Variants in SEC63 observed in about 807,000 individuals in gnomAD.
SEC63 encodes translocation protein SEC63 homolog.
In SEC63, 56 loss-of-function variants were observed where a neutral mutation model predicts 116.2. The observed-to-expected ratio is 0.48, with a 90% CI of 0.39 to 0.60. The LOEUF (loss-of-function observed/expected upper bound fraction) is 0.60, where lower values mean the gene tolerates loss of function less well. Ranked by LOEUF, SEC63 falls within the 20% of genes least tolerant of loss-of-function variation. The pLI is 0.00. For synonymous variants in SEC63, 273 were observed against 294.6 expected (o/e 0.93, Z 0.75); for missense variants, 668 against 900.0 (o/e 0.74, Z 3.30).
chr6:107,880,822 A>G, intron 18 of SEC63: 1 of 219,154 alleles, frequency 4.6e-6, no homozygotes, highest in Non-Finnish European at 9.2e-6. Flanking sequence ...TTCAAAGGCA[A>G]AATATGCATT....
chr6:107,884,273 G>T (rs1554232704), intron 16 of SEC63, among the ~76,000 whole-genome samples: 1 of 146,694 alleles, frequency 6.8e-6, no homozygotes, highest in South Asian at 2.1e-4. Context: ...AAAAAGAGCA[G>T]AGAGAGATAC....
chr6:107,946,810 C>G (rs1770489291), intron 1 of SEC63, among the ~76,000 whole-genome samples: 1 of 152,038 alleles, frequency 6.6e-6, no homozygotes, highest in African/African-American at 2.4e-5. Context: ...TCAAGACCAG[C>G]CTGGCCAACA....
intron 13 of SEC63, among the ~76,000 whole-genome samples, chr6:107,899,244 C>A (rs969005411): frequency 6.6e-6 from 1 of 152,194 alleles, no homozygotes; most frequent in Non-Finnish European, 1.5e-5. Flanking sequence ...TTCTACTCCT[C>A]CTTCACCAAC....
intron 16 of SEC63, among the ~76,000 whole-genome samples, chr6:107,888,949 C>A (rs563200725): frequency 6.6e-6 from 1 of 152,178 alleles, no homozygotes; most frequent in Non-Finnish European, 1.5e-5. Flanking sequence ...CCAACTTGAT[C>A]GTGGTGGATA....
At chr6:107,937,283 C>T (rs1204575000) in intron 1 of SEC63, among the ~76,000 whole-genome samples, 8 of 152,062 alleles carry the variant, frequency 5.3e-5, no homozygotes, top group Admixed American at 1.3e-4. Context: ...CCACCACACC[C>T]GGCTAGCTAA....
At chr6:107,942,529 A>C (rs1256797151) in intron 1 of SEC63, among the ~76,000 whole-genome samples, 1 of 151,892 alleles carries the variant, frequency 6.6e-6, no homozygotes, top group African/African-American at 2.4e-5. Context: ...GATATAGAAA[A>C]AAAACAAAAC....
intron 13 of SEC63, among the ~76,000 whole-genome samples, chr6:107,901,042 C>T (rs1407549907): frequency 6.6e-6 from 1 of 152,110 alleles, no homozygotes; most frequent in Non-Finnish European, 1.5e-5. Context: ...TAATAATATA[C>T]TTCAAATATC....
In SEC63 at chr6:107,913,563, GA is replaced by G; in HGVS notation, c.453-137del. 5.4e-6 allele frequency: 4 copies of G among 742,140 alleles called. No homozygotes were observed. In the Middle Eastern group the frequency reaches 9.4e-4, roughly 175 times the overall value. The allele number at this position is 742,140 out of a possible 1,614,324, so 46.0% of individuals were successfully genotyped here. A position where few individuals can be genotyped will look rare whatever the true frequency, so the allele number is the denominator to read the frequency against. ...TCCATGAATCAAGAAAAGTTTCTCT[GA>G]AATCAGGAGAAAGGGAAAGGGAGGA... On this transcript the variant is annotated intron_variant, in intron 4 of 20. Transcript: ENST00000369002.
intron 1 of SEC63, among the ~76,000 whole-genome samples, chr6:107,950,745 T>G (rs1361280200): frequency 6.6e-6 from 1 of 152,146 alleles, no homozygotes; most frequent in East Asian, 1.9e-4. Context: ...AAAAGTAAGG[T>G]TAAGTAAGTT....
chr6:107,935,795 AT>A (rs932343259), intron 1 of SEC63, among the ~76,000 whole-genome samples: 5 of 120,184 alleles, frequency 4.2e-5, no homozygotes, highest in African/African-American at 1.2e-4. Context: ...ATTAAAAAAA[AT>A]AAAATAAAAT....
At chr6:107,953,429 G>A (rs969097728) in intron 1 of SEC63, among the ~76,000 whole-genome samples, 2 of 150,838 alleles carry the variant, frequency 1.3e-5, no homozygotes, top group Admixed American at 6.6e-5. Flanking sequence ...CAGCCGCCCC[G>A]TCCGGGAGGT....
At position 107,924,919 on chromosome 6, in the gene SEC63, G is replaced by A. The variant is rs753107392; in HGVS notation, c.238C>T (p.Leu80Phe). 4 of 1,582,770 alleles carry A rather than the reference G, an allele frequency of 2.5e-6. No individual in the cohort carries two copies. Among genetic ancestry groups the A allele is most frequent in the South Asian group, 2.2e-5 (2 of 90,450 alleles). Residue 80 changes from leucine (L) to phenylalanine (F), a missense_variant, in exon 3 of 21, where the codon CTT (leucine) becomes TTT (phenylalanine). By Grantham distance (22) the Leu-to-Phe change is conservative. Transcript: ENST00000369002. ...IIPTVKKIVLLAGWALFLFLA... is the reference protein window; with the variant it reads ...IIPTVKKIVLFAGWALFLFLA... ...AATAAGAACAATGCCCATCCTGCAA[G>A]CAGAACTATTTTCCTGTTTAGGAAA...
chr6:107,897,374 A>G (rs1786878258), intron 14 of SEC63, among the ~76,000 whole-genome samples: 1 of 152,236 alleles, frequency 6.6e-6, no homozygotes, highest in Admixed American at 6.5e-5. Flanking sequence ...ACTTCTGTAT[A>G]GCACTTCACA....
rs201416954 is a variant in SEC63 at position 107,876,614 on chromosome 6, T to C, written c.1984A>G (p.Thr662Ala). ...WLYIADRKEQ[T>A]LISMPYHVCT... ...ACATGATATGGCATGGATATTAATG[T>C]CTGCTCCTTCCTATCTGCAATGTAA... Residue 662 changes from threonine (T) to alanine (A), a missense_variant, in exon 19 of 21, where the codon ACA becomes GCA. Thr to Ala is a moderately conservative substitution (Grantham distance 58). Transcript: ENST00000369002. 330 of 1,603,272 alleles carry C rather than the reference T, an allele frequency of 2.1e-4. 4 individuals are homozygous for C. Among genetic ancestry groups the C allele is most frequent in the South Asian group, 1.9e-3 (172 of 90,236 alleles).
At chr6:107,929,643 CAA>C in intron 1 of SEC63, 129 bp from the exon 2 acceptor site, 1 of 628,996 alleles carries the variant, frequency 1.6e-6, no homozygotes, top group Non-Finnish European at 2.8e-6. Flanking sequence ...ACTGCCTATT[CAA>C]ATAGCCTTTA....
chr6:107,898,976 T>C (rs1786931773), intron 13 of SEC63, among the ~76,000 whole-genome samples: 1 of 152,184 alleles, frequency 6.6e-6, no homozygotes, highest in Non-Finnish European at 1.5e-5. Context: ...TGGTATCCCT[T>C]CTTCACCCTG....
intron 14 of SEC63, 92 bp from the exon 15 acceptor site, chr6:107,893,989 A>C: frequency 1.5e-6 from 2 of 1,332,470 alleles, no homozygotes; most frequent in Admixed American, 3.9e-5. Flanking sequence ...CATTTTTATT[A>C]AGTATTTTTA....
At chr6:107,954,535 CA>C (rs1770669354) in intron 1 of SEC63, 1 of 134,360 alleles carries the variant, frequency 7.4e-6, no homozygotes, top group Non-Finnish European at 1.6e-5. Flanking sequence ...ACAGCGTTTA[CA>C]CTCAAACAGA....
At chr6:107,880,785 A>AGGT (rs1350286386) in intron 18 of SEC63, among the ~76,000 whole-genome samples, 5 of 152,168 alleles carry the variant, frequency 3.3e-5, no homozygotes, top group South Asian at 2.1e-4. Flanking sequence ...AACTTGGCAG[A>AGGT]GGTGAGAGAT....
Sources: allele counts gnomAD v4.1 joint callset (sites outside exome capture counted in the v4.1 genomes callset), GRCh38; gene constraint gnomAD v4.1.1; transcripts MANE v1.5; gene names NCBI Gene and HGNC (gene_info 2026-07-23, HGNC 2026-07-21).